Variants in ARIH2 observed in about 807,000 individuals in gnomAD.
ARIH2 encodes the protein ariadne RBR E3 ubiquitin protein ligase 2.
ARIH2 carries 12 observed loss-of-function variants against 79.8 expected under a neutral mutation model. The ratio of observed to expected loss-of-function variants is 0.15; its 90% CI spans 0.10 to 0.24. The LOEUF (loss-of-function observed/expected upper bound fraction) is 0.24. ARIH2 is among the 10% of genes least tolerant of loss of function. ARIH2 has a pLI of 1.00. For missense variants in ARIH2, 301 were observed against 618.3 expected, an observed-to-expected ratio of 0.49 and a Z score of 5.44; for synonymous variants, 224 against 213.9, an observed-to-expected ratio of 1.05 and a Z score of -0.41.
At chr3:48,979,432 A>C in intron 11 of ARIH2, 50 bp from the exon 12 acceptor site, 1 of 1,588,590 alleles carries the variant, frequency 6.3e-7, no homozygotes, top group Non-Finnish European at 8.6e-7. Flanking sequence ...CTATGGAGGA[A>C]AGTGGAGTTG....
At chr3:48,922,575 A>G (rs1029140394) in intron 1 of ARIH2, 173 bp from the exon 2 acceptor site, 1 of 152,152 alleles carries the variant, frequency 6.6e-6, no homozygotes, top group Non-Finnish European at 1.5e-5. Flanking sequence ...TCTTGTCAAT[A>G]TAATTATGTC....
At chr3:48,935,770 G>A (rs2087019558) in intron 3 of ARIH2, among the ~76,000 whole-genome samples, 2 of 152,162 alleles carry the variant, frequency 1.3e-5, no homozygotes, top group Non-Finnish European at 2.9e-5. Context: ...GGGCAAAAGT[G>A]GAAGGATGGG....
chr3:48,947,942 TATTTTATTTTTA>T (rs1480648696), intron 3 of ARIH2, among the ~76,000 whole-genome samples: 1 of 152,126 alleles, frequency 6.6e-6, no homozygotes, highest in African/African-American at 2.4e-5. Context: ...TTTATCTTTT[TATTTTATTTTTA>T]TTTTTATTTT....
chr3:48,919,902 T>A (rs1341379695), intron 1 of ARIH2, among the ~76,000 whole-genome samples: 1 of 152,122 alleles, frequency 6.6e-6, no homozygotes, highest in Non-Finnish European at 1.5e-5. Context: ...TTACGTGTTC[T>A]GTGCGTGGTG....
intron 3 of ARIH2, among the ~76,000 whole-genome samples, chr3:48,939,783 CAAAA>C (rs1207868820): frequency 2.3e-5 from 3 of 132,760 alleles, no homozygotes; most frequent in East Asian, 2.2e-4. Flanking sequence ...AAAACAAAAA[CAAAA>C]AAACAAAAAA....
Position 48,918,995 on chromosome 3 carries a change from C to T in ARIH2, c.-165C>T. 6.9e-7 allele frequency: 1 copy of T among 1,441,524 alleles called. No homozygotes were observed. Among genetic ancestry groups the T allele is most frequent in the Non-Finnish European group, 9.1e-7 (1 of 1,103,484 alleles). 89.3% of individuals were successfully genotyped at this position (1,441,524 alleles called of 1,614,324 possible). ...GCTCAGCGGCCGCGAGGCCGCAGCT[C>T]CCGGTAAGTGCGCGGCGCACGTCAC... On this transcript the variant is annotated 5_prime_UTR_variant, in exon 1 of 16. Coordinates refer to ENST00000356401, the MANE Select transcript of ARIH2 (RefSeq NM_006321.4).
At position 48,983,545 on chromosome 3, in the gene ARIH2, T is replaced by C; in HGVS notation, c.*275T>C. 2.1e-6 allele frequency: 1 copy of C among 482,368 alleles called. No homozygotes were observed. Among genetic ancestry groups the C allele is most frequent in the East Asian group, 3.7e-5 (1 of 27,300 alleles). 29.9% of individuals were successfully genotyped at this position (482,368 alleles called of 1,614,324 possible). A position where few individuals can be genotyped will look rare whatever the true frequency, so the allele number is the denominator to read the frequency against. ...GGAGGGAGGGAAAGTGTTTTCTGAA[T>C]GGCTATTAATAGTATTAGATCATTA... is the stretch of plus-strand genomic sequence containing the variant. On this transcript the variant is annotated 3_prime_UTR_variant, in exon 16 of 16. Coordinates refer to ENST00000356401, the MANE Select transcript of ARIH2 (RefSeq NM_006321.4).
At chr3:48,937,891 C>CA (rs2087397591) in intron 3 of ARIH2, among the ~76,000 whole-genome samples, 1 of 152,012 alleles carries the variant, frequency 6.6e-6, no homozygotes, top group African/African-American at 2.4e-5. Flanking sequence ...ACTAAAAATA[C>CA]AAAAAATTAG....
chr3:48,925,031 T>C (rs1176708151), intron 2 of ARIH2: 6 of 151,936 alleles, frequency 3.9e-5, no homozygotes, highest in Admixed American at 1.3e-4. Flanking sequence ...GATTTTGCCA[T>C]GTTGGCTAGG....
Position 48,968,567 on chromosome 3 carries a change from G to T in ARIH2, c.572G>T (p.Arg191Leu). 13 of 1,610,938 alleles carry T rather than the reference G, an allele frequency of 8.1e-6. No individual in the cohort carries two copies. Among genetic ancestry groups the T allele is most frequent in the Non-Finnish European group, 1.1e-5 (13 of 1,177,836 alleles). Residue 191 changes from arginine to leucine, a missense_variant, in exon 7 of 16, where the codon CGT becomes CTT. This residue lies in a region of ARIH2 where 223 missense variants were observed against 349.4 expected (regional missense o/e 0.64). Coordinates refer to ENST00000356401, the MANE Select transcript of ARIH2 (RefSeq NM_006321.4). ...TGCATGGCTCAGGACTGTCCACTCC[G>T]TACACCAGAGGACTTTGTGTTTCCA... ...VSCMAQDCPLRTPEDFVFPLL... is the reference protein window; with the variant it reads ...VSCMAQDCPLLTPEDFVFPLL...
chr3:48,924,553 C>G (rs2085299411), intron 2 of ARIH2, among the ~76,000 whole-genome samples: 1 of 151,964 alleles, frequency 6.6e-6, no homozygotes, highest in South Asian at 2.1e-4. Flanking sequence ...CAGTGTCTCA[C>G]TCTTGCCCAG....
intron 3 of ARIH2, among the ~76,000 whole-genome samples, chr3:48,931,869 C>T (rs188928711): frequency 2.5e-4 from 38 of 151,420 alleles, no homozygotes; most frequent in African/African-American, 6.3e-4. Flanking sequence ...ATTAGCCAGG[C>T]GTGGTGGTGG....
At chr3:48,968,776 T>C in intron 7 of ARIH2, 121 bp downstream of exon 7, 1 of 1,371,824 alleles carries the variant, frequency 7.3e-7, no homozygotes, top group South Asian at 1.4e-5. Context: ...AAGAAAGCGC[T>C]CCATGGCTTT....
intron 3 of ARIH2, among the ~76,000 whole-genome samples, chr3:48,932,784 A>G (rs945205781): frequency 2.6e-5 from 4 of 152,116 alleles, no homozygotes; most frequent in Admixed American, 1.3e-4. Context: ...CCATTGCTTC[A>G]GGAGGGGAAA....
rs1353626367 is a variant in ARIH2, at chr3:48,985,521, G to C, written c.*2251G>C. 1 of 151,816 alleles carries C rather than the reference G, an allele frequency of 6.6e-6. No individual in the cohort carries two copies. The highest frequency in any genetic ancestry group is 1.5e-5 in the Non-Finnish European group (1 of 67,802). The allele number at this position is 151,816 out of a possible 1,614,324, so 9.4% of individuals were successfully genotyped here. ...TTGAGTGGTTTATTCACAATAAACT[G>C]TAAGTTTCTGATTATAAAAATGTGT... On this transcript the variant is annotated 3_prime_UTR_variant, in exon 16 of 16. Coordinates refer to ENST00000356401, the MANE Select transcript of ARIH2 (RefSeq NM_006321.4).
chr3:48,970,787 C>A, intron 8 of ARIH2, 83 bp downstream of exon 8: 1 of 1,097,038 alleles, frequency 9.1e-7, no homozygotes, highest in Non-Finnish European at 1.4e-6. Context: ...CATGTGAGGG[C>A]GGCACTGGAA....
intron 3 of ARIH2, among the ~76,000 whole-genome samples, chr3:48,955,153 G>A (rs950162369): frequency 2.6e-4 from 39 of 152,200 alleles, no homozygotes; most frequent in African/African-American, 8.2e-4. Context: ...AGCCAGCGTC[G>A]CGCCACTGTA....
chr3:48,974,792 T>G, intron 9 of ARIH2, 25 bp from the exon 10 acceptor site: 1 of 1,612,304 alleles, frequency 6.2e-7, no homozygotes, highest in Non-Finnish European at 8.5e-7. Flanking sequence ...TGTGTGAGCC[T>G]AATGGCACCC....
chr3:48,924,313 G>A (rs1322690628), intron 2 of ARIH2, among the ~76,000 whole-genome samples: 1 of 151,550 alleles, frequency 6.6e-6, no homozygotes, highest in African/African-American at 2.4e-5. Flanking sequence ...GCCACTGTAC[G>A]TGGGCCTTTT....
Sources: gnomAD v4.1 joint callset for allele counts (sites outside exome capture counted in the v4.1 genomes callset) on GRCh38, gnomAD v4.1.1 for gene constraint, gnomAD v4.1.1 regional missense constraint, MANE v1.5 for transcripts, NCBI Gene and HGNC (gene_info 2026-07-23, HGNC 2026-07-21) for gene names.